The following CPXM2 variants were observed in gnomAD, a reference collection of about 807,000 sequenced individuals.
The protein encoded by CPXM2 is carboxypeptidase X, M14 family member 2.
A neutral mutation model predicts 86.1 loss-of-function variants in CPXM2; 66 were observed. The observed-to-expected ratio is 0.77, with a 90% CI of 0.63 to 0.94. The LOEUF (loss-of-function observed/expected upper bound fraction) is 0.94. Among genes scored for constraint, CPXM2 ranks in the 40% least tolerant of loss-of-function variants. The probability of loss-of-function intolerance (pLI) is 0.00; values close to 1 mark genes in which losing one functional copy is unlikely to be tolerated. For synonymous variants in CPXM2, 388 were observed against 400.2 expected, an observed-to-expected ratio of 0.97 and a Z score of 0.36; for missense variants, 948 against 1,026.3, an observed-to-expected ratio of 0.92 and a Z score of 1.04.
At chr10:123,854,219 A>C (rs557437594) in intron 3 of CPXM2, among the ~76,000 whole-genome samples, 28 of 150,590 alleles carry the variant, frequency 1.9e-4, no homozygotes, top group African/African-American at 6.4e-4. Context: ...CTCTCAGATC[A>C]GACTTTTCTG....
In CPXM2 at chr10:123,871,423, C is replaced by T. The variant is rs540057665; in HGVS notation, c.404-8700G>A. Among the ~76,000 whole-genome samples, 6 of 152,294 alleles carry T rather than the reference C, an allele frequency of 3.9e-5. No homozygotes were observed. In the South Asian group the frequency reaches 6.2e-4, roughly 16 times the overall value. On this transcript the variant is annotated intron_variant, in intron 2 of 13. Coordinates refer to ENST00000241305, the MANE Select transcript of CPXM2 (RefSeq NM_198148.3). ...TGGAAAACTAACACCATTCTTTATA[C>T]GTTGCTTATAAGGCTCAAAAAAAAG... is the stretch of plus-strand genomic sequence containing the variant.
chr10:123,829,765 C>T (rs1848124891), intron 4 of CPXM2, among the ~76,000 whole-genome samples: 1 of 152,044 alleles, frequency 6.6e-6, no homozygotes, highest in Admixed American at 6.5e-5. Flanking sequence ...GATAGCAAAA[C>T]AATGCACACT....
At chr10:123,768,130 G>A (rs564722768) in intron 9 of CPXM2, among the ~76,000 whole-genome samples, 1 of 152,256 alleles carries the variant, frequency 6.6e-6, no homozygotes, top group Admixed American at 6.5e-5. Flanking sequence ...GCTTACACCT[G>A]TAATCCCAGC....
intron 6 of CPXM2, among the ~76,000 whole-genome samples, chr10:123,782,901 G>A (rs1029648554): frequency 2.6e-5 from 4 of 152,210 alleles, no homozygotes; most frequent in East Asian, 1.9e-4. Flanking sequence ...ATATAAAACC[G>A]GTTGCAGTAA....
chr10:123,815,690 G>A (rs1205612078), intron 4 of CPXM2, among the ~76,000 whole-genome samples: 1 of 152,116 alleles, frequency 6.6e-6, no homozygotes. Flanking sequence ...TTCTCCTCAG[G>A]AGCCACCCCC....
intron 4 of CPXM2, among the ~76,000 whole-genome samples, chr10:123,801,157 G>A (rs1847449325): frequency 6.6e-6 from 1 of 152,116 alleles, no homozygotes; most frequent in African/African-American, 2.4e-5. Flanking sequence ...ACATGTTGTT[G>A]GGGGGACCCA....
chr10:123,780,120 C>T, intron 7 of CPXM2, 47 bp downstream of exon 7: 2 of 1,268,144 alleles, frequency 1.6e-6, no homozygotes, highest in Non-Finnish European at 1.2e-6. Context: ...TAATATGTTG[C>T]TTTTTTGACA....
intron 10 of CPXM2, among the ~76,000 whole-genome samples, chr10:123,765,573 C>G (rs2133995603): frequency 6.6e-6 from 1 of 152,258 alleles, no homozygotes; most frequent in East Asian, 1.9e-4. Flanking sequence ...GGTGGAAAAA[C>G]AAACAAATGA....
chr10:123,830,872 C>CTCTGTGTGTGTGTG (rs1258897184), intron 4 of CPXM2, among the ~76,000 whole-genome samples: 32 of 142,798 alleles, frequency 2.2e-4, no homozygotes, highest in African/African-American at 7.7e-4. Context: ...CTCTCTCTCT[C>CTCTGTGTGTGTGTG]TGTGTGTGTG....
chr10:123,807,407 A>G (rs1847604076), intron 4 of CPXM2, among the ~76,000 whole-genome samples: 1 of 152,220 alleles, frequency 6.6e-6, no homozygotes, highest in African/African-American at 2.4e-5. Flanking sequence ...GGAGGACTGA[A>G]TTGTGTCTTA....
At chr10:123,908,629 A>G (rs949817835) in intron 2 of CPXM2, among the ~76,000 whole-genome samples, 1 of 152,122 alleles carries the variant, frequency 6.6e-6, no homozygotes. Flanking sequence ...CACCTGGTCC[A>G]TCTGCTTGGG....
rs7898490 is a variant in CPXM2, at chr10:123,750,642, T to C, written c.2018-3625A>G. Reference sequence around the variant, plus strand: ...TCACTAGAATGTGTACTTTTAGAGGTCATATTTGTTTTGCTCACCGCAGTA... The same window carrying C: ...TCACTAGAATGTGTACTTTTAGAGGCCATATTTGTTTTGCTCACCGCAGTA... On this transcript the variant is annotated intron_variant, in intron 13 of 13. Coordinates refer to ENST00000241305, the MANE Select transcript of CPXM2 (RefSeq NM_198148.3). The C allele has an allele frequency of 1.9e-3, 1,834 of 966,344 alleles. 29 individuals are homozygous for C. The African/African-American group carries it at 0.029, about 15-fold the overall frequency. 59.9% of individuals were successfully genotyped at this position (966,344 alleles called of 1,614,324 possible).
chr10:123,772,535 GT>G (rs1159413209), intron 7 of CPXM2, among the ~76,000 whole-genome samples: 1 of 151,824 alleles, frequency 6.6e-6, no homozygotes, highest in Non-Finnish European at 1.5e-5. Context: ...CCTGGTTGTG[GT>G]CATCACCTCC....
At chr10:123,863,412 G>A (rs1369657938) in intron 2 of CPXM2, among the ~76,000 whole-genome samples, 3 of 152,162 alleles carry the variant, frequency 2.0e-5, no homozygotes, top group African/African-American at 4.8e-5. Context: ...ATGAACCGGG[G>A]GTCCCCGCAT....
Position 123,891,424 on chromosome 10 carries a change from G to A in CPXM2, c.236C>T (p.Pro79Leu). Reference protein sequence around the residue: ...WERRPQEPRPPKRATKPKKAP... With the variant: ...WERRPQEPRPLKRATKPKKAP... ...TTTCTTGGGCTTGGTGGCCCTCTTGGGCGGCCTGGGCTCCTGCGGGCGCCG... is the reference window on the plus strand; with the variant it reads ...TTTCTTGGGCTTGGTGGCCCTCTTGAGCGGCCTGGGCTCCTGCGGGCGCCG... The change falls in exon 1 of 14, where the codon CCC (proline) becomes CTC (leucine). Residue 79 changes from proline to leucine, a missense_variant. Pro to Leu is a moderately conservative substitution (Grantham distance 98). Transcript: ENST00000241305. The surrounding 1 kb of genome is among the most constrained non-coding windows in gnomAD (Gnocchi z 5.6). 1.3e-6 allele frequency: 2 copies of A among 1,559,972 alleles called. No homozygotes were observed. Among genetic ancestry groups the A allele is most frequent in the Non-Finnish European group, 1.7e-6 (2 of 1,151,810 alleles).
intron 3 of CPXM2, among the ~76,000 whole-genome samples, chr10:123,854,678 G>A (rs372382256): frequency 5.3e-5 from 8 of 150,744 alleles, no homozygotes; most frequent in Admixed American, 3.3e-4. Flanking sequence ...TGTCTACTCC[G>A]CAGTCATAAC....
intron 3 of CPXM2, among the ~76,000 whole-genome samples, chr10:123,853,281 A>T (rs1590067732): frequency 6.6e-6 from 1 of 151,900 alleles, no homozygotes; most frequent in Admixed American, 6.6e-5. Flanking sequence ...AGCCAATGAA[A>T]CCTCTTTTCT....
At chr10:123,877,641 C>A (rs1259330322) in intron 2 of CPXM2, among the ~76,000 whole-genome samples, 1 of 152,220 alleles carries the variant, frequency 6.6e-6, no homozygotes. Context: ...TGGACCAGCC[C>A]AAAGCCAAGG....
At chr10:123,934,365 G>A (rs556107695) in intron 2 of CPXM2, among the ~76,000 whole-genome samples, 557 of 152,074 alleles carry the variant, frequency 3.7e-3, no homozygotes, top group Non-Finnish European at 6.4e-3. Context: ...CCCAGGCTCC[G>A]CTGGCTCCTG....
Sources: gnomAD v4.1 joint callset for allele counts (sites outside exome capture counted in the v4.1 genomes callset) on GRCh38, gnomAD v4.1.1 for gene constraint, Gnocchi (gnomAD v3.1) non-coding constraint, MANE v1.5 for transcripts, NCBI Gene and HGNC (gene_info 2026-07-23, HGNC 2026-07-21) for gene names.